MKKS: variants seen among roughly 807,000 people sequenced by gnomAD.
The protein encoded by MKKS is molecular chaperone MKKS.
Under a neutral mutation model 33.2 loss-of-function variants are expected in MKKS, and 29 were observed. The observed-to-expected ratio is 0.87, with a 90% CI of 0.65 to 1.19. The LOEUF is 1.19. Ranked by LOEUF, MKKS falls within the 50% of genes most tolerant of loss-of-function variation. MKKS has a pLI of 0.00. For missense variants in MKKS, 661 were observed against 662.3 expected, an observed-to-expected ratio of 1.00 and a Z score of 0.02; for synonymous variants, 260 against 244.0, an observed-to-expected ratio of 1.07 and a Z score of -0.61.
In MKKS at chr20:10,413,027, G is replaced by C. The variant is rs755432919; in HGVS notation, c.488C>G (p.Ala163Gly). 1 of 1,613,978 alleles carries C rather than the reference G, an allele frequency of 6.2e-7. No individual in the cohort carries two copies. Among genetic ancestry groups the C allele is most frequent in the Non-Finnish European group, 8.5e-7 (1 of 1,180,040 alleles). ...LVRSILTSKP[A>G]CMLTRKETEH... ...TGTTTCCTTTCTGGTGAGCATACAG[G>C]CAGGTTTACTTGTTAATATACTACG... The change falls in exon 3 of 6, where the codon GCC becomes GGC. Residue 163 changes from alanine (A) to glycine (G), a missense_variant. By Grantham distance (60) the Ala-to-Gly change is moderately conservative. Coordinates refer to ENST00000347364, the MANE Select transcript of MKKS (RefSeq NM_170784.3).
chr20:10,434,132 C>CCAGGCCGCCA lies in MKKS; in HGVS notation c.-683_-674dup, dbSNP rs16996729. On this transcript the variant is annotated 5_prime_UTR_variant, in exon 1 of 6. Coordinates refer to ENST00000347364, the MANE Select transcript of MKKS (RefSeq NM_170784.3). Reference sequence around the variant, plus strand: ...CCTGCGCACCAGCCGTCGCGCCGCCCCAGGCCGCCACCGCCAGAGGCCCCA... The same window carrying CCAGGCCGCCA: ...CCTGCGCACCAGCCGTCGCGCCGCCCCAGGCCGCCACAGGCCGCCACCGCCAGAGGCCCCA... 9,303 of 152,674 alleles carry CCAGGCCGCCA rather than the reference C, an allele frequency of 0.061. 325 individuals are homozygous for CCAGGCCGCCA. The highest frequency in any genetic ancestry group is 0.084 in the Admixed American group (1,285 of 15,296). The allele number at this position is 152,674 out of a possible 1,614,324, so 9.5% of individuals were successfully genotyped here.
At chr20:10,420,889 A>G (rs1373190673) in intron 1 of MKKS, 131 bp from the exon 2 acceptor site, 1 of 152,210 alleles carries the variant, frequency 6.6e-6, no homozygotes, top group African/African-American at 2.4e-5. Context: ...TTTAAATTAT[A>G]ATACATTGCA....
chr20:10,418,766 C>G (rs13039224), intron 2 of MKKS, among the ~76,000 whole-genome samples: 5,136 of 152,166 alleles, frequency 0.034, 150 homozygotes, highest in Non-Finnish European at 0.045. Context: ...GTTAAGACAT[C>G]TTTTTGTTCT....
Position 10,408,388 on chromosome 20 carries a change from C to T in MKKS, c.1161+240G>A, listed in dbSNP as rs535599086. On this transcript the variant is annotated intron_variant, in intron 4 of 5. Coordinates refer to ENST00000347364, the MANE Select transcript of MKKS (RefSeq NM_170784.3). ...TTCAAGCTAATTTCTTAGAAAAGTTCGCATGTCAAGGGCCTTTTAGGTTTC... is the reference window on the plus strand; with the variant it reads ...TTCAAGCTAATTTCTTAGAAAAGTTTGCATGTCAAGGGCCTTTTAGGTTTC... 1.5e-4 allele frequency among the ~76,000 whole-genome samples: 23 copies of T among 152,202 alleles called. No homozygotes were observed. In the Middle Eastern group the frequency reaches 0.01, roughly 68 times the overall value.
In MKKS at chr20:10,403,565, T is replaced by C. The variant is rs186317484; in HGVS notation, c.*1682A>G. On this transcript the variant is annotated 3_prime_UTR_variant, in exon 6 of 6. Coordinates refer to ENST00000347364, the MANE Select transcript of MKKS (RefSeq NM_170784.3). The stretch of plus-strand genomic sequence containing the variant: ...GTTCCTGGAACACAGTTGCTTTCCA[T>C]CTGTAGACCCATGAAACTAGAGAAA... 1 of 152,324 alleles carries C rather than the reference T, an allele frequency of 6.6e-6. No homozygotes were observed. The highest frequency in any genetic ancestry group is 1.5e-5 in the Non-Finnish European group (1 of 68,054). 9.4% of individuals were successfully genotyped at this position (152,324 alleles called of 1,614,324 possible).
chr20:10,430,570 A>G (rs1360034382), intron 1 of MKKS, among the ~76,000 whole-genome samples: 3 of 152,238 alleles, frequency 2.0e-5, no homozygotes, highest in Non-Finnish European at 4.4e-5. Context: ...CCATAAAGGA[A>G]GGCCCACTTC....
intron 1 of MKKS, among the ~76,000 whole-genome samples, chr20:10,424,418 A>T (rs1214894218): frequency 1.3e-5 from 2 of 152,052 alleles, no homozygotes; most frequent in Non-Finnish European, 2.9e-5. Context: ...TATATTTTTA[A>T]AAAATGACAT....
At chr20:10,422,290 T>C (rs1239737966) in intron 1 of MKKS, among the ~76,000 whole-genome samples, 1 of 152,178 alleles carries the variant, frequency 6.6e-6, no homozygotes, top group Non-Finnish European at 1.5e-5. Context: ...TTTATGGCCT[T>C]TTCCTTTTCT....
intron 3 of MKKS, 34 bp from the exon 4 acceptor site, chr20:10,408,837 TA>T (rs1302996249): frequency 6.5e-7 from 1 of 1,535,042 alleles, no homozygotes; most frequent in East Asian, 2.2e-5. Flanking sequence ...ACAAGTTGTA[TA>T]AGCAAAAGTG....
intron 3 of MKKS, 138 bp downstream of exon 3, chr20:10,412,392 C>G (rs967357928): frequency 1.7e-5 from 15 of 878,976 alleles, no homozygotes; most frequent in Non-Finnish European, 2.2e-5. Flanking sequence ...TTCCAGAAAC[C>G]TTTGCTGCCA....
chr20:10,417,639 ATGCTAC>A (rs2042720915), intron 2 of MKKS, among the ~76,000 whole-genome samples: 1 of 150,798 alleles, frequency 6.6e-6, no homozygotes, highest in Non-Finnish European at 1.5e-5. Flanking sequence ...GAGCTATGAT[ATGCTAC>A]TGCTACTGCA....
chr20:10,416,058 C>T (rs1325247940), intron 2 of MKKS, among the ~76,000 whole-genome samples: 1 of 152,194 alleles, frequency 6.6e-6, no homozygotes, highest in Non-Finnish European at 1.5e-5. Flanking sequence ...TCTATTAAAA[C>T]TCTTTCTTCC....
chr20:10,408,834 G>A (rs779063397), intron 3 of MKKS, 31 bp from the exon 4 acceptor site: 1 of 1,556,754 alleles, frequency 6.4e-7, no homozygotes, highest in Non-Finnish European at 8.8e-7. Context: ...AATACAAGTT[G>A]TATAAGCAAA....
chr20:10,408,485 C>A, intron 4 of MKKS, 143 bp downstream of exon 4: 1 of 791,822 alleles, frequency 1.3e-6, no homozygotes, highest in South Asian at 1.6e-5. Flanking sequence ...TTTAAATTAG[C>A]TTACTTGTGA....
At chr20:10,428,623 G>A (rs1210055522) in intron 1 of MKKS, among the ~76,000 whole-genome samples, 1 of 152,156 alleles carries the variant, frequency 6.6e-6, no homozygotes, top group Non-Finnish European at 1.5e-5. Context: ...TGGATCACTT[G>A]AGGTCAGGAT....
At chr20:10,432,789 CAAA>C (rs71184200) in intron 1 of MKKS, among the ~76,000 whole-genome samples, 19 of 74,556 alleles carry the variant, frequency 2.5e-4, no homozygotes, top group African/African-American at 7.2e-4. Context: ...GACTCTTTGT[CAAA>C]AAAAAAAAAA....
At chr20:10,423,082 T>G (rs551777637) in intron 1 of MKKS, among the ~76,000 whole-genome samples, 1 of 152,070 alleles carries the variant, frequency 6.6e-6, no homozygotes, top group Non-Finnish European at 1.5e-5. Context: ...ATTAACATAA[T>G]TCAACATTTG....
chr20:10,413,013 T>C lies in MKKS; in HGVS notation c.502A>G (p.Arg168Gly), dbSNP rs1201937879. 1 of 1,613,974 alleles carries C rather than the reference T, an allele frequency of 6.2e-7. No homozygotes were observed. The highest frequency in any genetic ancestry group is 2.2e-5 in the East Asian group (1 of 44,896). ...GCACTGACATGCTCTGTTTCCTTTC[T>C]GGTGAGCATACAGGCAGGTTTACTT... ...LTSKPACMLT[R>G]KETEHVSALI... Residue 168 changes from arginine to glycine, a missense_variant, in exon 3 of 6, where the codon AGA becomes GGA. By Grantham distance (125) the Arg-to-Gly change is moderately radical (BLOSUM62 -2). Coordinates refer to ENST00000347364, the MANE Select transcript of MKKS (RefSeq NM_170784.3).
At chr20:10,424,203 T>C (rs1452398570) in intron 1 of MKKS, among the ~76,000 whole-genome samples, 2 of 151,930 alleles carry the variant, frequency 1.3e-5, no homozygotes, top group African/African-American at 2.4e-5. Flanking sequence ...TAAAATGACA[T>C]TGGCATATAA....
Sources: allele counts gnomAD v4.1 joint callset (sites outside exome capture counted in the v4.1 genomes callset), GRCh38; gene constraint gnomAD v4.1.1; transcripts MANE v1.5; gene names NCBI Gene and HGNC (gene_info 2026-07-23, HGNC 2026-07-21).